Variants in TMCO4 observed in about 807,000 individuals in gnomAD.
The protein encoded by TMCO4 is transmembrane and coiled-coil domains 4.
In TMCO4, 58 loss-of-function variants were observed where a neutral mutation model predicts 64.7. The observed-to-expected ratio is 0.90, with a 90% CI of 0.73 to 1.12. TMCO4 has a LOEUF of 1.12. Among genes scored for constraint, TMCO4 ranks in the 50% most tolerant of loss-of-function variants. The pLI, the probability that TMCO4 is intolerant of heterozygous loss-of-function variation, is 0.00. For synonymous variants in TMCO4, 325 were observed against 346.1 expected (o/e 0.94, Z 0.68); for missense variants, 780 against 825.9 (o/e 0.94, Z 0.68).
At chr1:19,691,037 T>C (rs1279750197) in intron 15 of TMCO4, among the ~76,000 whole-genome samples, 2 of 151,678 alleles carry the variant, frequency 1.3e-5, no homozygotes, top group East Asian at 3.9e-4. Flanking sequence ...CCTGGCTAAT[T>C]TTTTGTATTT....
intron 10 of TMCO4, among the ~76,000 whole-genome samples, chr1:19,741,231 G>A (rs2100848157): frequency 6.6e-6 from 1 of 152,366 alleles, no homozygotes; most frequent in Middle Eastern, 3.4e-3. Flanking sequence ...GAAGTGGGGA[G>A]ATGGTTTATC....
Position 19,780,730 on chromosome 1 carries a change from C to T in TMCO4, c.29G>A (p.Arg10Lys). Residue 10 changes from arginine (R) to lysine (K), a missense_variant, in exon 4 of 16, where the codon AGG (arginine) becomes AAG (lysine). Transcript: ENST00000294543. Reference protein sequence around the residue: MAMWNRPCQRLPQQPLVAEP... With the variant: MAMWNRPCQKLPQQPLVAEP... Reference sequence around the variant, plus strand: ...AGCTACCAGAGGCTGCTGAGGCAGCCTCTGGCATGGCCTGTTCCACATGGC... The same window carrying T: ...AGCTACCAGAGGCTGCTGAGGCAGCTTCTGGCATGGCCTGTTCCACATGGC... 6.2e-7 allele frequency: 1 copy of T among 1,604,962 alleles called. No individual in the cohort carries two copies. The highest frequency in any genetic ancestry group is 8.5e-7 in the Non-Finnish European group (1 of 1,177,744).
intron 13 of TMCO4, among the ~76,000 whole-genome samples, chr1:19,703,940 C>T (rs563484658): frequency 2.0e-5 from 3 of 152,354 alleles, no homozygotes; most frequent in Non-Finnish European, 2.9e-5. Flanking sequence ...ACAGCTTCAA[C>T]CAGTTCTGCT....
chr1:19,746,863 G>A (rs918330080), intron 8 of TMCO4, among the ~76,000 whole-genome samples: 2 of 148,316 alleles, frequency 1.3e-5, no homozygotes, highest in Admixed American at 1.4e-4. Context: ...GGCGGAGCTT[G>A]CAGTGAGCCG....
intron 14 of TMCO4, among the ~76,000 whole-genome samples, chr1:19,696,830 G>A (rs1401588922): frequency 2.0e-5 from 3 of 152,192 alleles, no homozygotes; most frequent in Non-Finnish European, 4.4e-5. Context: ...TAGGGGCAGA[G>A]CAGGAACACA....
chr1:19,777,601 G>A (rs899947074), intron 4 of TMCO4, among the ~76,000 whole-genome samples: 1 of 152,096 alleles, frequency 6.6e-6, no homozygotes, highest in Non-Finnish European at 1.5e-5. Flanking sequence ...TACATGCCTC[G>A]GCCTCCCAAA....
At chr1:19,780,858 A>T in intron 3 of TMCO4, 92 bp from the exon 4 acceptor site, 1 of 1,080,134 alleles carries the variant, frequency 9.3e-7, no homozygotes, top group South Asian at 1.7e-5. Flanking sequence ...TAAAAGGTTG[A>T]TAAAGTAGGC....
intron 13 of TMCO4, among the ~76,000 whole-genome samples, chr1:19,736,238 G>A (rs545282577): frequency 3.5e-4 from 53 of 152,150 alleles, no homozygotes; most frequent in Non-Finnish European, 7.1e-4. Context: ...CGCGTGCAGG[G>A]GAACTGCCCT....
At chr1:19,726,419 G>A (rs988691911) in intron 13 of TMCO4, among the ~76,000 whole-genome samples, 4 of 151,536 alleles carry the variant, frequency 2.6e-5, no homozygotes, top group South Asian at 4.2e-4. Context: ...AGCCGAGGTC[G>A]TGCCACCGCA....
At chr1:19,778,789 C>A (rs953968200) in intron 4 of TMCO4, among the ~76,000 whole-genome samples, 3 of 152,184 alleles carry the variant, frequency 2.0e-5, no homozygotes, top group African/African-American at 2.4e-5. Flanking sequence ...TTTTCACGAA[C>A]CTTTACCAGG....
chr1:19,792,013 G>A lies in TMCO4; in HGVS notation c.-100-4896C>T, dbSNP rs146265485. ...GTCTCAGGAGATCTGATGACTTTTC[G>A]CTCGGTTCTCACTTCTCTCGTCTGC... is the stretch of plus-strand genomic sequence containing the variant. On this transcript the variant is annotated intron_variant, in intron 2 of 15. Coordinates refer to ENST00000294543, the MANE Select transcript of TMCO4 (RefSeq NM_181719.7). Among the ~76,000 whole-genome samples the A allele has an allele frequency of 4.3e-4, 65 of 152,220 alleles. 1 individual carries two copies. The highest frequency in any genetic ancestry group is 1.4e-3 in the African/African-American group (58 of 41,524).
intron 13 of TMCO4, among the ~76,000 whole-genome samples, chr1:19,722,377 G>A (rs2095388909): frequency 6.6e-6 from 1 of 152,214 alleles, no homozygotes. Flanking sequence ...GCCACCTACT[G>A]TACAACAGTC....
At chr1:19,703,432 T>G (rs1268161783) in intron 13 of TMCO4, among the ~76,000 whole-genome samples, 2 of 151,874 alleles carry the variant, frequency 1.3e-5, no homozygotes, top group African/African-American at 2.4e-5. Context: ...CTTCCCTTTT[T>G]CTTTCCCTTC....
At chr1:19,717,795 A>T (rs183048679) in intron 13 of TMCO4, among the ~76,000 whole-genome samples, 8 of 152,288 alleles carry the variant, frequency 5.3e-5, no homozygotes, top group Admixed American at 2.6e-4. Context: ...CTTAAAGTCT[A>T]GGCCCTTGAG....
At chr1:19,718,523 T>C (rs990447499) in intron 13 of TMCO4, among the ~76,000 whole-genome samples, 92 of 151,180 alleles carry the variant, frequency 6.1e-4, no homozygotes, top group African/African-American at 2.2e-3. Context: ...TGTGGTGGCA[T>C]GCGCCTGTAT....
At chr1:19,774,264 A>G (rs1027814724) in intron 4 of TMCO4, among the ~76,000 whole-genome samples, 1 of 152,238 alleles carries the variant, frequency 6.6e-6, no homozygotes, top group Admixed American at 6.5e-5. Context: ...CCTGCTGTCC[A>G]CGAAGAAAGT....
chr1:19,685,706 G>GTTTCTTTT (rs2095142084), intron 15 of TMCO4, among the ~76,000 whole-genome samples: 1 of 49,842 alleles, frequency 2.0e-5, no homozygotes, highest in Non-Finnish European at 4.0e-5. Context: ...ATCCAGGCCT[G>GTTTCTTTT]TTTCTTTTTT....
intron 13 of TMCO4, among the ~76,000 whole-genome samples, chr1:19,707,708 G>C (rs999771445): frequency 1.3e-5 from 2 of 152,208 alleles, no homozygotes; most frequent in African/African-American, 4.8e-5. Context: ...GGTTGTATTA[G>C]TCCATTTTCA....
chr1:19,708,447 A>G (rs1217408349), intron 13 of TMCO4, among the ~76,000 whole-genome samples: 1 of 152,026 alleles, frequency 6.6e-6, no homozygotes, highest in Non-Finnish European at 1.5e-5. Context: ...GCGTCATCAC[A>G]GCAGCAAACT....
Sources: gnomAD v4.1 joint callset for allele counts (sites outside exome capture counted in the v4.1 genomes callset) on GRCh38, gnomAD v4.1.1 for gene constraint, MANE v1.5 for transcripts, NCBI Gene and HGNC (gene_info 2026-07-23, HGNC 2026-07-21) for gene names.